The following PATZ1 variants were observed in gnomAD, a reference collection of about 807,000 sequenced individuals.
PATZ1 encodes POZ-, AT hook-, and zinc finger-containing protein 1.
Under a neutral mutation model 46.2 loss-of-function variants are expected in PATZ1, and 9 were observed. The observed-to-expected ratio is 0.19, with a 90% CI of 0.12 to 0.34. PATZ1 has a LOEUF of 0.34. Among genes scored for constraint, PATZ1 ranks in the 10% least tolerant of loss-of-function variants. PATZ1 has a pLI of 1.00. For missense variants in PATZ1, 632 were observed against 923.0 expected, an observed-to-expected ratio of 0.68 and a Z score of 4.08; for synonymous variants, 426 against 378.6, an observed-to-expected ratio of 1.13 and a Z score of -1.45.
intron 2 of PATZ1, among the ~76,000 whole-genome samples, chr22:31,342,559 G>T (rs1479569206): frequency 6.6e-6 from 1 of 151,972 alleles, no homozygotes; most frequent in Non-Finnish European, 1.5e-5. Flanking sequence ...GCCCAGCGCA[G>T]TGCCGGGTCT....
intron 2 of PATZ1, chr22:31,337,848 TCTAA>T (rs1271803649): frequency 6.6e-6 from 1 of 152,274 alleles, no homozygotes; most frequent in African/African-American, 2.4e-5. Flanking sequence ...CATACAGACA[TCTAA>T]CTGTCTCCTT....
intron 1 of PATZ1, 47 bp from the exon 2 acceptor site, chr22:31,343,007 C>G (rs2049602506): frequency 6.2e-7 from 1 of 1,612,534 alleles, no homozygotes; most frequent in Non-Finnish European, 8.5e-7. Flanking sequence ...TGGCCAGACC[C>G]CACCACACAG....
intron 2 of PATZ1, 23 bp from the exon 3 acceptor site, chr22:31,335,886 G>A (rs758068584): frequency 1.2e-6 from 2 of 1,607,474 alleles, no homozygotes; most frequent in Non-Finnish European, 1.7e-6. Context: ...AAGAAAATGG[G>A]ATGATGTGAA....
intron 3 of PATZ1, among the ~76,000 whole-genome samples, chr22:31,330,224 G>A (rs1167519765): frequency 1.3e-5 from 2 of 152,132 alleles, no homozygotes; most frequent in South Asian, 4.1e-4. Flanking sequence ...CCAGCACACC[G>A]CATGCACTAT....
chr22:31,335,029 T>G (rs1431856642), intron 3 of PATZ1, among the ~76,000 whole-genome samples: 1 of 152,158 alleles, frequency 6.6e-6, no homozygotes, highest in East Asian at 1.9e-4. Flanking sequence ...AACAGCCAAC[T>G]AGACCCGGCA....
At chr22:31,341,941 G>C (rs1266296641) in intron 2 of PATZ1, among the ~76,000 whole-genome samples, 1 of 152,178 alleles carries the variant, frequency 6.6e-6, no homozygotes, top group Non-Finnish European at 1.5e-5. Context: ...CTGACCCCCA[G>C]GGGCTCTGCC....
chr22:31,326,649 G>A lies in PATZ1; in HGVS notation c.*242C>T. 1 of 473,140 alleles carries A rather than the reference G, an allele frequency of 2.1e-6. No individual in the cohort carries two copies. The highest frequency in any genetic ancestry group is 3.7e-6 in the Non-Finnish European group (1 of 266,924). The allele number at this position is 473,140 out of a possible 1,614,324, so 29.3% of individuals were successfully genotyped here. On this transcript the variant is annotated 3_prime_UTR_variant, in exon 5 of 5. Coordinates refer to ENST00000266269, the MANE Select transcript of PATZ1 (RefSeq NM_014323.3). ...GTTTTGCCTTGGAGGCCTATGTAGT[G>A]TTTTCTGCCCCTGTCCCATACCAAG... is the stretch of plus-strand genomic sequence containing the variant.
At chr22:31,332,436 T>C (rs1198424461) in intron 3 of PATZ1, among the ~76,000 whole-genome samples, 3 of 152,220 alleles carry the variant, frequency 2.0e-5, no homozygotes, top group Admixed American at 2.0e-4. Flanking sequence ...ATGGAGATGC[T>C]GAGCACACAT....
rs1399366732 is a variant in PATZ1, at chr22:31,328,095, T to G, written c.1645+692A>C. Among the ~76,000 whole-genome samples, 1 of 152,138 alleles carries G rather than the reference T, an allele frequency of 6.6e-6. No individual in the cohort carries two copies. Among genetic ancestry groups the G allele is most frequent in the African/African-American group, 2.4e-5 (1 of 41,424 alleles). On this transcript the variant is annotated intron_variant, in intron 4 of 4. Transcript: ENST00000266269. The surrounding 1 kb of genome is among the most constrained non-coding windows in gnomAD (Gnocchi z 4.8). The stretch of plus-strand genomic sequence containing the variant: ...CCATGCCGGGAAGGGAGGTCTGTGA[T>G]GGGAGCATGGAGCATGCCATCTCTG...
At position 31,327,854 on chromosome 22, in the gene PATZ1, C is replaced by T. The variant is rs762755634; in HGVS notation, c.1646-545G>A. 2.4e-4 allele frequency among the ~76,000 whole-genome samples: 37 copies of T among 152,238 alleles called. 1 individual carries two copies. Among genetic ancestry groups the T allele is most frequent in the Non-Finnish European group, 1.8e-4 (12 of 68,044 alleles). On this transcript the variant is annotated intron_variant, in intron 4 of 4. Coordinates refer to ENST00000266269, the MANE Select transcript of PATZ1 (RefSeq NM_014323.3). The surrounding 1 kb of genome is among the most constrained non-coding windows in gnomAD (Gnocchi z 4.2). The stretch of plus-strand genomic sequence containing the variant: ...CCTTTTCCTAATGCTGCAAACATAG[C>T]CCTGTCCTTACCGCCTTCCTTCTGC...
chr22:31,334,609 C>G (rs576819652), intron 3 of PATZ1, among the ~76,000 whole-genome samples: 1 of 152,308 alleles, frequency 6.6e-6, no homozygotes, highest in South Asian at 2.1e-4. Context: ...GATAGAGTCT[C>G]CCAAGTGTGC....
intron 3 of PATZ1, 142 bp from the exon 4 acceptor site, chr22:31,329,066 G>T: frequency 1.3e-6 from 1 of 773,288 alleles, no homozygotes; most frequent in Non-Finnish European, 2.0e-6. Flanking sequence ...GCTCAAAAAT[G>T]GCTGCAACCA....
chr22:31,344,597 G>C lies in PATZ1; in HGVS notation c.1006C>G (p.Leu336Val). 1 of 1,614,150 alleles carries C rather than the reference G, an allele frequency of 6.2e-7. No homozygotes were observed. Among genetic ancestry groups the C allele is most frequent in the Non-Finnish European group, 8.5e-7 (1 of 1,180,042 alleles). ...CCGTCGGGGTCTTCAGAGATGGGTA[G>C]CCCATTCTCACCCAGCCTCGGAGGA... ...LPPPRLGENGLPISEDPDGPR... is the reference protein window; with the variant it reads ...LPPPRLGENGVPISEDPDGPR... The change falls in exon 1 of 5, where the codon CTA becomes GTA. Residue 336 changes from leucine to valine, a missense_variant. Physicochemically the swap from Leu to Val is conservative, Grantham distance 32. Coordinates refer to ENST00000266269, the MANE Select transcript of PATZ1 (RefSeq NM_014323.3).
In PATZ1 at chr22:31,345,717, C is replaced by T. The variant is rs2049646503; in HGVS notation, c.-115G>A. The stretch of plus-strand genomic sequence containing the variant: ...GTCCACACTCCCCACACGTGCCGGC[C>T]CGAGGCTCTGTAGTCTCGCAGGTGC... On this transcript the variant is annotated 5_prime_UTR_variant, in exon 1 of 5. Coordinates refer to ENST00000266269, the MANE Select transcript of PATZ1 (RefSeq NM_014323.3). This position sits in a 1 kb window ranked among gnomAD's most constrained non-coding sequence, Gnocchi z 7.4. The T allele has an allele frequency of 9.2e-7, 1 of 1,083,330 alleles. No homozygotes were observed. Among genetic ancestry groups the T allele is most frequent in the Admixed American group, 2.9e-5 (1 of 34,738 alleles). The allele number at this position is 1,083,330 out of a possible 1,614,324, so 67.1% of individuals were successfully genotyped here. A position where few individuals can be genotyped will look rare whatever the true frequency, so the allele number is the denominator to read the frequency against.
intron 3 of PATZ1, among the ~76,000 whole-genome samples, chr22:31,331,505 A>G (rs770051500): frequency 2.6e-5 from 4 of 151,874 alleles, no homozygotes; most frequent in Non-Finnish European, 5.9e-5. Context: ...ATACCTGGCT[A>G]ATTTTTTTTG....
intron 2 of PATZ1, chr22:31,341,719 A>G (rs768673302): frequency 2.5e-6 from 4 of 1,569,954 alleles, no homozygotes; most frequent in South Asian, 1.2e-5. Flanking sequence ...TTACCCCCCC[A>G]GGCCACCGGG....
intron 2 of PATZ1, among the ~76,000 whole-genome samples, chr22:31,339,730 C>A (rs2049556484): frequency 6.6e-6 from 1 of 152,228 alleles, no homozygotes. Flanking sequence ...CTGGCCCAGG[C>A]ACCCTGAGTG....
rs1346648574 is a variant in PATZ1 at position 31,328,374 on chromosome 22, G to A, written c.1645+413C>T. Among the ~76,000 whole-genome samples, 4 of 152,160 alleles carry A rather than the reference G, an allele frequency of 2.6e-5. No homozygotes were observed. The highest frequency in any genetic ancestry group is 4.4e-5 in the Non-Finnish European group (3 of 68,016). On this transcript the variant is annotated intron_variant, in intron 4 of 4. Transcript: ENST00000266269. The surrounding 1 kb of genome is among the most constrained non-coding windows in gnomAD (Gnocchi z 4.8). ...GAGAAGCCAGACATTGGCTCCCACC[G>A]GCCCACTGGGTCAAAAGAGGAGAAA...
At chr22:31,342,410 T>C (rs888844475) in intron 2 of PATZ1, among the ~76,000 whole-genome samples, 3 of 152,030 alleles carry the variant, frequency 2.0e-5, no homozygotes, top group Non-Finnish European at 4.4e-5. Context: ...CCTCCCCCAC[T>C]GCCTTGTGCC....
Sources: gnomAD v4.1 joint callset for allele counts (sites outside exome capture counted in the v4.1 genomes callset) on GRCh38, gnomAD v4.1.1 for gene constraint, Gnocchi (gnomAD v3.1) non-coding constraint, MANE v1.5 for transcripts, NCBI Gene and HGNC (gene_info 2026-07-23, HGNC 2026-07-21) for gene names.